STOX2: variants seen among roughly 807,000 people sequenced by gnomAD.
The protein encoded by STOX2 is storkhead-box protein 2.
STOX2 carries 28 observed loss-of-function variants against 60.9 expected under a neutral mutation model. The observed-to-expected ratio is 0.46, with a 90% CI of 0.34 to 0.63. STOX2 has a LOEUF of 0.63. Ranked by LOEUF, STOX2 falls within the 30% of genes least tolerant of loss-of-function variation. STOX2 has a pLI of 0.01. For synonymous variants in STOX2, 472 were observed against 463.9 expected, an observed-to-expected ratio of 1.02 and a Z score of -0.22; for missense variants, 1,024 against 1,187.7, an observed-to-expected ratio of 0.86 and a Z score of 2.03.
chr4:183,897,467 G>A (rs1165573400), intron 1 of STOX2, among the ~76,000 whole-genome samples: 1 of 152,176 alleles, frequency 6.6e-6, no homozygotes, highest in Non-Finnish European at 1.5e-5. Flanking sequence ...CAAAGACAGG[G>A]TTTCAGTATG....
intron 1 of STOX2, among the ~76,000 whole-genome samples, chr4:183,970,681 C>T (rs927739514): frequency 6.6e-6 from 1 of 152,236 alleles, no homozygotes; most frequent in Non-Finnish European, 1.5e-5. Flanking sequence ...TCTCTGTCCC[C>T]ACTGGTTCCC....
intron 1 of STOX2, among the ~76,000 whole-genome samples, chr4:183,997,213 G>C (rs1381261691): frequency 6.6e-6 from 1 of 152,216 alleles, no homozygotes. Context: ...TTCTGATGAG[G>C]TGCCATTTGA....
intron 1 of STOX2, among the ~76,000 whole-genome samples, chr4:183,812,712 A>C (rs1354467915): frequency 6.6e-6 from 1 of 152,222 alleles, no homozygotes; most frequent in Admixed American, 6.5e-5. Flanking sequence ...ACTTTCAAGG[A>C]GGGATTTAGA....
chr4:183,965,244 G>T (rs1448967207), intron 1 of STOX2, among the ~76,000 whole-genome samples: 1 of 152,106 alleles, frequency 6.6e-6, no homozygotes, highest in African/African-American at 2.4e-5. Context: ...GAATCCTGGA[G>T]GTACCATTTC....
At chr4:183,954,934 T>C (rs1248977198) in intron 1 of STOX2, among the ~76,000 whole-genome samples, 1 of 151,520 alleles carries the variant, frequency 6.6e-6, no homozygotes, top group Non-Finnish European at 1.5e-5. Context: ...AGACGGAGTT[T>C]CACCATGTTG....
upstream of STOX2, among the ~76,000 whole-genome samples, chr4:183,900,320 C>G (rs900865166): frequency 1.3e-5 from 2 of 152,084 alleles, no homozygotes; most frequent in African/African-American, 2.4e-5. Context: ...TTTCAAGTCT[C>G]ATTATTTAAG....
chr4:183,899,235 A>C (rs1741410165), intron 1 of STOX2, among the ~76,000 whole-genome samples: 1 of 152,132 alleles, frequency 6.6e-6, no homozygotes, highest in South Asian at 2.1e-4. Context: ...GCTCTGGCTC[A>C]ACAGTATTGA....
intron 1 of STOX2, among the ~76,000 whole-genome samples, chr4:183,889,123 T>A (rs145271289): frequency 6.6e-6 from 1 of 152,138 alleles, no homozygotes; most frequent in African/African-American, 2.4e-5. Flanking sequence ...TGATCGGGGT[T>A]GAACTGCATC....
At chr4:183,944,032 AAGAC>A (rs1047369881) in intron 1 of STOX2, among the ~76,000 whole-genome samples, 3 of 152,240 alleles carry the variant, frequency 2.0e-5, no homozygotes, top group Non-Finnish European at 4.4e-5. Context: ...CTCAGTACAG[AAGAC>A]AGACAGACAA....
At chr4:183,920,859 A>G (rs1046906667) in intron 1 of STOX2, among the ~76,000 whole-genome samples, 1 of 152,204 alleles carries the variant, frequency 6.6e-6, no homozygotes, top group Non-Finnish European at 1.5e-5. Context: ...AGAAGATGAG[A>G]TAGCTGGGAC....
intron 1 of STOX2, among the ~76,000 whole-genome samples, chr4:183,966,513 C>T (rs1160566332): frequency 6.6e-6 from 1 of 152,214 alleles, no homozygotes; most frequent in Admixed American, 6.5e-5. Flanking sequence ...CATTTCATCA[C>T]AGTCACCCTC....
At chr4:183,909,956 A>G (rs1021657733) in intron 1 of STOX2, among the ~76,000 whole-genome samples, 1 of 152,214 alleles carries the variant, frequency 6.6e-6, no homozygotes, top group Non-Finnish European at 1.5e-5. Context: ...ACAGTTAGAG[A>G]ATGCTGAAAC....
At chr4:183,938,444 G>A (rs1044937797) in intron 1 of STOX2, among the ~76,000 whole-genome samples, 2 of 152,004 alleles carry the variant, frequency 1.3e-5, no homozygotes, top group African/African-American at 2.4e-5. Flanking sequence ...CAAGGTGGGC[G>A]GATCACCTCA....
chr4:183,959,520 C>T (rs1743353049), intron 1 of STOX2, among the ~76,000 whole-genome samples: 1 of 152,182 alleles, frequency 6.6e-6, no homozygotes, highest in Admixed American at 6.5e-5. Flanking sequence ...AAATCTAAAA[C>T]ATGTGTCAGG....
In STOX2 at chr4:184,001,134, G is replaced by A. The variant is rs187982009; in HGVS notation, c.167-191G>A. 6.6e-4 allele frequency among the ~76,000 whole-genome samples: 101 copies of A among 152,286 alleles called. No individual in the cohort carries two copies. In the East Asian group the frequency reaches 0.011, roughly 16 times the overall value. ...TTGAGGCAGTAGGAGCTTCCACTGC[G>A]TGTGGAAGTCTTTCCACCTGAGTGG... On this transcript the variant is annotated intron_variant, in intron 1 of 3. Coordinates refer to ENST00000308497, the MANE Select transcript of STOX2 (RefSeq NM_020225.3). This position sits in a 1 kb window ranked among gnomAD's most constrained non-coding sequence, Gnocchi z 4.2.
At chr4:183,827,836 C>A (rs1359290936) in intron 1 of STOX2, among the ~76,000 whole-genome samples, 1 of 147,286 alleles carries the variant, frequency 6.8e-6, no homozygotes. Context: ...CTATGCACAC[C>A]ACTGCATTCC....
chr4:183,941,180 T>C (rs1454378062), intron 1 of STOX2, among the ~76,000 whole-genome samples: 1 of 152,282 alleles, frequency 6.6e-6, no homozygotes, highest in African/African-American at 2.4e-5. Flanking sequence ...TTCCATGTGC[T>C]GATGGAGCCT....
intron 1 of STOX2, among the ~76,000 whole-genome samples, chr4:183,807,393 G>A (rs572858392): frequency 6.6e-6 from 1 of 152,276 alleles, no homozygotes; most frequent in South Asian, 2.1e-4. Flanking sequence ...CTTCTGGTGT[G>A]ACCCCTTTGG....
At chr4:184,006,315 G>A (rs774710204) in intron 2 of STOX2, among the ~76,000 whole-genome samples, 4 of 152,090 alleles carry the variant, frequency 2.6e-5, no homozygotes, top group Non-Finnish European at 5.9e-5. Context: ...AGATGTGGTC[G>A]GCTTTAAACA....
Sources: gnomAD v4.1 joint callset for allele counts (sites outside exome capture counted in the v4.1 genomes callset) on GRCh38, gnomAD v4.1.1 for gene constraint, Gnocchi (gnomAD v3.1) non-coding constraint, MANE v1.5 for transcripts, NCBI Gene and HGNC (gene_info 2026-07-23, HGNC 2026-07-21) for gene names.